Variants in CEP128 observed in about 807,000 individuals in gnomAD.
CEP128 encodes centrosomal protein 128kDa.
CEP128 carries 132 observed loss-of-function variants against 156.7 expected under a neutral mutation model. The ratio of observed to expected loss-of-function variants is 0.84; its 90% CI spans 0.73 to 0.97. The LOEUF (loss-of-function observed/expected upper bound fraction) is 0.97. CEP128 is among the 50% of genes least tolerant of loss of function. CEP128 has a pLI of 0.00. For missense variants in CEP128, 1,252 were observed against 1,281.9 expected (o/e 0.98, Z 0.36); for synonymous variants, 469 against 448.9 (o/e 1.04, Z -0.57).
chr14:80,875,387 T>C (rs779318736), intron 8 of CEP128, among the ~76,000 whole-genome samples: 9 of 152,210 alleles, frequency 5.9e-5, no homozygotes, highest in Non-Finnish European at 1.2e-4. Flanking sequence ...TCTATTCAAA[T>C]TTTGTTGGCA....
chr14:80,537,651 GAA>G (rs1292600363), intron 21 of CEP128, among the ~76,000 whole-genome samples: 1 of 152,136 alleles, frequency 6.6e-6, no homozygotes, highest in Non-Finnish European at 1.5e-5. Flanking sequence ...ACAAGGGAAA[GAA>G]ATTTCAGAGC....
chr14:80,668,429 T>G (rs1440538846), intron 19 of CEP128, among the ~76,000 whole-genome samples: 1 of 152,190 alleles, frequency 6.6e-6, no homozygotes, highest in African/African-American at 2.4e-5. Flanking sequence ...AAAATATGTG[T>G]CACAAATTCT....
At chr14:80,757,569 C>T (rs1566897340) in intron 17 of CEP128, among the ~76,000 whole-genome samples, 1 of 152,192 alleles carries the variant, frequency 6.6e-6, no homozygotes, top group Admixed American at 6.5e-5. Flanking sequence ...TAAAGTAAAA[C>T]TGTATTCAAA....
chr14:80,601,236 G>C (rs1042561137), intron 19 of CEP128, among the ~76,000 whole-genome samples: 2 of 152,108 alleles, frequency 1.3e-5, no homozygotes, highest in African/African-American at 4.8e-5. Flanking sequence ...GTGTTTCCTT[G>C]TAAGTATATA....
intron 23 of CEP128, among the ~76,000 whole-genome samples, chr14:80,515,436 T>G (rs968041135): frequency 6.6e-6 from 1 of 152,170 alleles, no homozygotes; most frequent in African/African-American, 2.4e-5. Flanking sequence ...CTTTTCACTC[T>G]CCTTTCCTCA....
At chr14:80,667,425 T>G (rs1282360672) in intron 19 of CEP128, among the ~76,000 whole-genome samples, 2 of 152,152 alleles carry the variant, frequency 1.3e-5, no homozygotes, top group Non-Finnish European at 2.9e-5. Context: ...ATAAAACTGT[T>G]AGGGAGTGGG....
chr14:80,846,605 T>G (rs1336208990), intron 9 of CEP128, among the ~76,000 whole-genome samples: 1 of 152,082 alleles, frequency 6.6e-6, no homozygotes, highest in East Asian at 1.9e-4. Context: ...ACATACATGG[T>G]AGAATTTTGG....
intron 19 of CEP128, among the ~76,000 whole-genome samples, chr14:80,618,916 T>C (rs1465251547): frequency 6.6e-6 from 1 of 152,196 alleles, no homozygotes; most frequent in African/African-American, 2.4e-5. Flanking sequence ...TAAACCAAAC[T>C]GTGAATAGTG....
chr14:80,804,326 G>A (rs1423112521), intron 13 of CEP128, among the ~76,000 whole-genome samples: 1 of 151,972 alleles, frequency 6.6e-6, no homozygotes, highest in Non-Finnish European at 1.5e-5. Flanking sequence ...AGTAGCAATT[G>A]CCTAAATGTA....
chr14:80,824,282 C>A (rs564672912), intron 13 of CEP128, among the ~76,000 whole-genome samples: 1 of 152,328 alleles, frequency 6.6e-6, no homozygotes, highest in South Asian at 2.1e-4. Context: ...GCAAAAGTCT[C>A]TGACATGCCC....
intron 20 of CEP128, among the ~76,000 whole-genome samples, chr14:80,568,709 G>C (rs1016723378): frequency 7.9e-5 from 12 of 152,034 alleles, no homozygotes; most frequent in Admixed American, 5.9e-4. Context: ...CACACGCGCA[G>C]GTAAGAAGGG....
intron 19 of CEP128, among the ~76,000 whole-genome samples, chr14:80,641,983 C>G (rs10146748): frequency 0.29 from 44,063 of 150,054 alleles, 7,782 homozygotes; most frequent in African/African-American, 0.49. Flanking sequence ...CCAGCTACTC[C>G]GGAGGCTGAG....
At chr14:80,649,017 T>C (rs1471867012) in intron 19 of CEP128, among the ~76,000 whole-genome samples, 1 of 152,120 alleles carries the variant, frequency 6.6e-6, no homozygotes, top group Non-Finnish European at 1.5e-5. Context: ...ATCTAACTGA[T>C]GTAAGAAATT....
In CEP128 at chr14:80,650,794, T is replaced by C. The variant is rs1233383774; in HGVS notation, c.2807-70371A>G. Among the ~76,000 whole-genome samples the C allele has an allele frequency of 3.9e-5, 6 of 152,174 alleles. No homozygotes were observed. In the East Asian group the frequency reaches 1.2e-3, roughly 29 times the overall value. ...TGCTTGATCATGGTGGATAAGCTTT[T>C]TGATGTGCTGCTGGATTTAGTTTGC... On this transcript the variant is annotated intron_variant, in intron 19 of 24. Coordinates refer to ENST00000555265, the MANE Select transcript of CEP128 (RefSeq NM_152446.5).
At chr14:80,574,434 G>T (rs1250513431) in intron 20 of CEP128, among the ~76,000 whole-genome samples, 1 of 152,158 alleles carries the variant, frequency 6.6e-6, no homozygotes, top group East Asian at 1.9e-4. Context: ...CCACCTGGTC[G>T]ATCAATAGCC....
chr14:80,581,102 G>A (rs969968025), intron 19 of CEP128, among the ~76,000 whole-genome samples: 87 of 152,302 alleles, frequency 5.7e-4, no homozygotes, highest in African/African-American at 2.0e-3. Context: ...CAGCCATGGT[G>A]TCTCAGTGCC....
At chr14:80,764,917 C>T (rs144872959) in intron 16 of CEP128, among the ~76,000 whole-genome samples, 6 of 152,328 alleles carry the variant, frequency 3.9e-5, no homozygotes, top group Non-Finnish European at 7.3e-5. Context: ...TCTCCATTGT[C>T]TGCATGTACT....
intron 19 of CEP128, among the ~76,000 whole-genome samples, chr14:80,670,000 A>C (rs2140924961): frequency 6.6e-6 from 1 of 152,244 alleles, no homozygotes; most frequent in Middle Eastern, 3.4e-3. Flanking sequence ...GGGAGCTGGC[A>C]CATTCATGCC....
intron 12 of CEP128, among the ~76,000 whole-genome samples, chr14:80,832,323 G>A (rs776119872): frequency 6.6e-6 from 1 of 151,854 alleles, no homozygotes; most frequent in Non-Finnish European, 1.5e-5. Context: ...AGTCTAAAAT[G>A]TCAACAACTG....
Sources: allele counts gnomAD v4.1 joint callset (sites outside exome capture counted in the v4.1 genomes callset), GRCh38; gene constraint gnomAD v4.1.1; transcripts MANE v1.5; gene names NCBI Gene and HGNC (gene_info 2026-07-23, HGNC 2026-07-21).